SEC23B: variants seen among roughly 807,000 people sequenced by gnomAD.
SEC23B encodes SEC23 homolog B, COPII component.
A neutral mutation model predicts 104.3 loss-of-function variants in SEC23B; 77 were observed. The ratio of observed to expected loss-of-function variants is 0.74; its 90% CI spans 0.61 to 0.89. The LOEUF (loss-of-function observed/expected upper bound fraction) is 0.89, where lower values mean the gene tolerates loss of function less well. Among genes scored for constraint, SEC23B ranks in the 40% least tolerant of loss-of-function variants. The pLI is 0.00. For synonymous variants in SEC23B, 338 were observed against 332.5 expected (o/e 1.02, Z -0.18); for missense variants, 885 against 949.4 (o/e 0.93, Z 0.89).
At chr20:18,540,944 C>G (rs1475500196) in intron 12 of SEC23B, among the ~76,000 whole-genome samples, 2 of 152,202 alleles carry the variant, frequency 1.3e-5, no homozygotes, top group African/African-American at 4.8e-5. Flanking sequence ...GCATTGACTT[C>G]TCTCTAGCTA....
At position 18,515,738 on chromosome 20, in the gene SEC23B, T is replaced by G. The variant is rs1404255312; in HGVS notation, c.366+2T>G. On this transcript the variant is annotated splice_donor_variant, in intron 4 of 19. Coordinates refer to ENST00000650089, the MANE Select transcript of SEC23B (RefSeq NM_006363.6). LOFTEE classifies it high-confidence loss of function. Reference sequence around the variant, plus strand: ...TCTACAATTGAGTACGTGATACAGGTAATTTCTTTGTTGTGCATTTAATGA... The same window carrying G: ...TCTACAATTGAGTACGTGATACAGGGAATTTCTTTGTTGTGCATTTAATGA... 1 of 1,567,060 alleles carries G rather than the reference T, an allele frequency of 6.4e-7. No homozygotes were observed. The highest frequency in any genetic ancestry group is 8.8e-7 in the Non-Finnish European group (1 of 1,137,356).
intron 4 of SEC23B, among the ~76,000 whole-genome samples, chr20:18,521,543 G>T (rs973169045): frequency 1.3e-5 from 2 of 152,176 alleles, no homozygotes; most frequent in Non-Finnish European, 2.9e-5. Flanking sequence ...ACCTCTTTAA[G>T]AGGAAATTGT....
At chr20:18,539,210 T>TCAAAAAAAAA (rs1568615453) in intron 12 of SEC23B, among the ~76,000 whole-genome samples, 1 of 95,100 alleles carries the variant, frequency 1.1e-5, no homozygotes. Context: ...AGACTCCGTC[T>TCAAAAAAAAA]AAAAAAAAAA....
In SEC23B at chr20:18,520,201, GAACT is replaced by G. The variant is rs539445153; in HGVS notation, c.367-4228_367-4225del. ...ATTTGGTTGATAAGGCACAGATCCT[GAACT>G]AACCTATAAGGCTTGTCCAGTTTTT... On this transcript the variant is annotated intron_variant, in intron 4 of 19. Transcript: ENST00000650089. Among the ~76,000 whole-genome samples the G allele has an allele frequency of 4.7e-3, 718 of 151,526 alleles. 4 individuals carry two copies. Among genetic ancestry groups the G allele is most frequent in the African/African-American group, 0.017 (689 of 41,388 alleles).
chr20:18,539,738 G>A lies in SEC23B; in HGVS notation c.1405-2558G>A, dbSNP rs192917766. Among the ~76,000 whole-genome samples, 479 of 149,614 alleles carry A rather than the reference G, an allele frequency of 3.2e-3. 3 individuals are homozygous for A. Among genetic ancestry groups the A allele is most frequent in the African/African-American group, 0.011 (441 of 40,712 alleles). On this transcript the variant is annotated intron_variant, in intron 12 of 19. Transcript: ENST00000650089. ...CAGCTCACTGCAACCTCTGCCTCCCGGGGTCAAGCAATTCTGCTGCCTCAG... is the reference window on the plus strand; with the variant it reads ...CAGCTCACTGCAACCTCTGCCTCCCAGGGTCAAGCAATTCTGCTGCCTCAG...
At chr20:18,545,523 C>T (rs577670663) in intron 14 of SEC23B, among the ~76,000 whole-genome samples, 2 of 152,096 alleles carry the variant, frequency 1.3e-5, no homozygotes, top group Admixed American at 6.5e-5. Flanking sequence ...GAAATAAAGG[C>T]GGGAAGAGAA....
rs1431198837 is a variant in SEC23B, at chr20:18,548,724, T to C, written c.1859T>C (p.Met620Thr). The C allele has an allele frequency of 5.6e-6, 9 of 1,614,236 alleles. No homozygotes were observed. In the East Asian group the frequency reaches 8.9e-5, roughly 16 times the overall value. The change falls in exon 16 of 20, where the codon ATG (methionine) becomes ACG (threonine). Residue 620 changes from methionine (M) to threonine (T), a missense_variant. Transcript: ENST00000650089. ...ARQDLTQSLI[M>T]IQPILYSYSF... Reference sequence around the variant, plus strand: ...CAGGACCTGACCCAGTCCCTCATCATGATCCAGCCCATTCTCTACTCTTAC... The same window carrying C: ...CAGGACCTGACCCAGTCCCTCATCACGATCCAGCCCATTCTCTACTCTTAC...
chr20:18,508,675 G>A (rs2059953896), intron 1 of SEC23B, among the ~76,000 whole-genome samples: 1 of 149,744 alleles, frequency 6.7e-6, no homozygotes, highest in Non-Finnish European at 1.5e-5. Context: ...CAGGTCTTAG[G>A]CTGTACATGC....
chr20:18,535,195 C>CA (rs2148908173), intron 11 of SEC23B, among the ~76,000 whole-genome samples: 1 of 149,428 alleles, frequency 6.7e-6, no homozygotes, highest in East Asian at 2.0e-4. Flanking sequence ...CTGACACACC[C>CA]ACCCCCCCCC....
intron 10 of SEC23B, 59 bp downstream of exon 10, chr20:18,530,862 A>C: frequency 7.9e-6 from 11 of 1,391,484 alleles, no homozygotes; most frequent in East Asian, 2.3e-5. Context: ...GGCTGGTCTC[A>C]AACTCCTGGT....
chr20:18,508,716 C>CTTTT (rs398035473), intron 1 of SEC23B, among the ~76,000 whole-genome samples: 35,436 of 96,640 alleles, frequency 0.37, 7,385 homozygotes, highest in South Asian at 0.44. Context: ...GCAGTAGCTT[C>CTTTT]TTTTTTTTTT....
chr20:18,540,868 TAG>T (rs1318958246), intron 12 of SEC23B, among the ~76,000 whole-genome samples: 2 of 152,010 alleles, frequency 1.3e-5, no homozygotes, highest in African/African-American at 4.8e-5. Flanking sequence ...AAAAACCAAA[TAG>T]AGTCACCAGC....
At chr20:18,551,489 A>G (rs986470313) in intron 17 of SEC23B, among the ~76,000 whole-genome samples, 1 of 152,100 alleles carries the variant, frequency 6.6e-6, no homozygotes, top group Non-Finnish European at 1.5e-5. Flanking sequence ...TGAGGTGGGC[A>G]GATCACCTGA....
chr20:18,550,097 T>C (rs2060373375), intron 16 of SEC23B, among the ~76,000 whole-genome samples: 1 of 148,214 alleles, frequency 6.7e-6, no homozygotes, highest in African/African-American at 2.4e-5. Context: ...TATGATTATA[T>C]ATGTATATAT....
intron 7 of SEC23B, 33 bp downstream of exon 7, chr20:18,525,965 A>G (rs1231209493): frequency 2.5e-6 from 4 of 1,607,202 alleles, no homozygotes; most frequent in South Asian, 1.1e-5. Flanking sequence ...CTCTCAAATC[A>G]TACAAATGTG....
chr20:18,525,214 A>G (rs977714926), intron 6 of SEC23B, among the ~76,000 whole-genome samples, 194 bp downstream of exon 6: 2 of 152,248 alleles, frequency 1.3e-5, no homozygotes, highest in African/African-American at 4.8e-5. Flanking sequence ...GTTTTTAGAC[A>G]TTCCACATCT....
At position 18,548,645 on chromosome 20, in the gene SEC23B, G is replaced by A. The variant is rs765112123; in HGVS notation, c.1780G>A (p.Val594Met). ...TCTGAGAAGATCTCCATTTCTTCAA[G>A]TGTTTAACAACAGTCCTGATGAGTC... ...FHLRRSPFLQ[V>M]FNNSPDESSY... The change falls in exon 16 of 20, where the codon GTG becomes ATG. Residue 594 changes from valine to methionine, a missense_variant. Physicochemically the swap from Val to Met is conservative, Grantham distance 21 (BLOSUM62 1). Transcript: ENST00000650089. The A allele has an allele frequency of 6.2e-7, 1 of 1,614,054 alleles. No individual in the cohort carries two copies. Among genetic ancestry groups the A allele is most frequent in the Non-Finnish European group, 8.5e-7 (1 of 1,179,988 alleles).
In SEC23B at chr20:18,555,281, C is replaced by T. The variant is rs184126151; in HGVS notation, c.2214+108C>T. On this transcript the variant is annotated intron_variant, in intron 19 of 19. Coordinates refer to ENST00000650089, the MANE Select transcript of SEC23B (RefSeq NM_006363.6). ...TTTTGGCCTGGAGACAGAATAACTG[C>T]GTAAGTTGGGTATTTTGCTGGGGAG... 72 of 906,484 alleles carry T rather than the reference C, an allele frequency of 7.9e-5. No homozygotes were observed. Among genetic ancestry groups the T allele is most frequent in the African/African-American group, 6.8e-4 (41 of 59,972 alleles). The allele number at this position is 906,484 out of a possible 1,614,324, so 56.2% of individuals were successfully genotyped here. A position where few individuals can be genotyped will look rare whatever the true frequency, so the allele number is the denominator to read the frequency against.
In SEC23B at chr20:18,512,152, T is replaced by C. The variant is rs1194687638; in HGVS notation, c.222-73T>C. 3 of 941,500 alleles carry C rather than the reference T, an allele frequency of 3.2e-6. No individual in the cohort carries two copies. In the African/African-American group the frequency reaches 5.0e-5, roughly 16 times the overall value. The allele number at this position is 941,500 out of a possible 1,614,324, so 58.3% of individuals were successfully genotyped here. A position where few individuals can be genotyped will look rare whatever the true frequency, so the allele number is the denominator to read the frequency against. ...ACTTGAAATTTACAAATGAACGCTTTCTACCTTAAAAATAAAAATTTTATT... is the reference window on the plus strand; with the variant it reads ...ACTTGAAATTTACAAATGAACGCTTCCTACCTTAAAAATAAAAATTTTATT... On this transcript the variant is annotated intron_variant, in intron 2 of 19. Coordinates refer to ENST00000650089, the MANE Select transcript of SEC23B (RefSeq NM_006363.6).
Sources: allele counts gnomAD v4.1 joint callset (sites outside exome capture counted in the v4.1 genomes callset), GRCh38; gene constraint gnomAD v4.1.1; transcripts MANE v1.5; gene names NCBI Gene and HGNC (gene_info 2026-07-23, HGNC 2026-07-21).